FOXO3: variants seen among roughly 807,000 people sequenced by gnomAD.
The protein encoded by FOXO3 is forkhead box protein O3.
FOXO3 carries 4 observed loss-of-function variants against 41.9 expected under a neutral mutation model. The observed-to-expected ratio is 0.10, with a 90% CI of 0.05 to 0.22. FOXO3 has a LOEUF of 0.22. FOXO3 is among the 10% of genes least tolerant of loss of function. The pLI is 1.00. For synonymous variants in FOXO3, 318 were observed against 389.3 expected (o/e 0.82, Z 2.16); for missense variants, 534 against 906.8 (o/e 0.59, Z 5.28).
intron 1 of FOXO3, among the ~76,000 whole-genome samples, chr6:108,626,846 A>T (rs979343481): frequency 6.6e-6 from 1 of 152,184 alleles, no homozygotes; most frequent in East Asian, 1.9e-4. Flanking sequence ...TTAACATTGG[A>T]AGTGGTATGT....
At chr6:108,588,655 A>G (rs1007213326) in intron 1 of FOXO3, among the ~76,000 whole-genome samples, 2 of 152,210 alleles carry the variant, frequency 1.3e-5, no homozygotes, top group Non-Finnish European at 2.9e-5. Context: ...AAGACACACT[A>G]AACTGTTTTT....
At chr6:108,572,147 G>C (rs1384416248) in intron 1 of FOXO3, among the ~76,000 whole-genome samples, 1 of 152,142 alleles carries the variant, frequency 6.6e-6, no homozygotes, top group Non-Finnish European at 1.5e-5. Context: ...TGTTGATTGT[G>C]GACTTGAGGT....
intron 1 of FOXO3, among the ~76,000 whole-genome samples, chr6:108,590,301 TG>T (rs1379940839): frequency 6.6e-6 from 1 of 152,018 alleles, no homozygotes; most frequent in East Asian, 1.9e-4. Flanking sequence ...CACCTTTTTT[TG>T]AGAAATAATA....
At chr6:108,596,155 C>T (rs903627277) in intron 1 of FOXO3, among the ~76,000 whole-genome samples, 1 of 152,014 alleles carries the variant, frequency 6.6e-6, no homozygotes, top group African/African-American at 2.4e-5. Context: ...CCTTTCTCTT[C>T]CCCATCCTAT....
chr6:108,652,056 C>T (rs1273457330), intron 1 of FOXO3, among the ~76,000 whole-genome samples: 1 of 152,152 alleles, frequency 6.6e-6, no homozygotes, highest in Non-Finnish European at 1.5e-5. Flanking sequence ...CTTGAGGATC[C>T]GTAACGTGGT....
chr6:108,653,456 A>C (rs1778601982), intron 1 of FOXO3, among the ~76,000 whole-genome samples: 1 of 152,196 alleles, frequency 6.6e-6, no homozygotes. Flanking sequence ...TTACACCTCA[A>C]GGCCAGGTGG....
At position 108,678,869 on chromosome 6, in the gene FOXO3, C is replaced by CT. The variant is rs1156923290; in HGVS notation, c.*35-936dup. 6.5e-3 allele frequency among the ~76,000 whole-genome samples: 360 copies of CT among 55,012 alleles called. 15 individuals carry two copies. Among genetic ancestry groups the CT allele is most frequent in the African/African-American group, 0.011 (243 of 21,874 alleles). The allele number at this position is 55,012 out of a possible 152,430, so 36.1% of individuals were successfully genotyped here. ...ATAGCAAGACCCCATTTCTTAAATTCTTTTTTTTTTTTTTTTTTTTTTGAG... is the reference window on the plus strand; with the variant it reads ...ATAGCAAGACCCCATTTCTTAAATTCTTTTTTTTTTTTTTTTTTTTTTTGAG... On this transcript the variant is annotated intron_variant, in intron 2 of 2. Transcript: ENST00000406360.
In FOXO3 at chr6:108,679,921, G is replaced by A. The variant is rs1182260186; in HGVS notation, c.*129G>A. On this transcript the variant is annotated 3_prime_UTR_variant, in exon 3 of 3. Transcript: ENST00000406360. ...ATACCGTTTACAGCTTAACACCTTTGTGAATCCCACGCCATTTTCCTAACC... is the reference window on the plus strand; with the variant it reads ...ATACCGTTTACAGCTTAACACCTTTATGAATCCCACGCCATTTTCCTAACC... The A allele has an allele frequency of 6.5e-6, 1 of 153,906 alleles. No homozygotes were observed. Among genetic ancestry groups the A allele is most frequent in the Non-Finnish European group, 1.5e-5 (1 of 68,220 alleles). The allele number at this position is 153,906 out of a possible 1,614,324, so 9.5% of individuals were successfully genotyped here.
At chr6:108,655,850 C>T (rs1388253139) in intron 1 of FOXO3, among the ~76,000 whole-genome samples, 1 of 152,172 alleles carries the variant, frequency 6.6e-6, no homozygotes, top group African/African-American at 2.4e-5. Flanking sequence ...TGTGGTTCAG[C>T]AGACGCGTAT....
At chr6:108,669,030 G>A (rs891058813) in intron 2 of FOXO3, among the ~76,000 whole-genome samples, 10 of 152,112 alleles carry the variant, frequency 6.6e-5, no homozygotes, top group African/African-American at 2.4e-4. Context: ...GGAGAATGGC[G>A]TGAACCCAGG....
chr6:108,573,614 G>A (rs971356477), intron 1 of FOXO3, among the ~76,000 whole-genome samples: 4 of 152,062 alleles, frequency 2.6e-5, no homozygotes, highest in Admixed American at 6.6e-5. Context: ...CATCACCTGA[G>A]GTGAGGAGTT....
chr6:108,561,888 C>A (rs764407448), intron 1 of FOXO3, 59 bp downstream of exon 1: 1 of 1,482,100 alleles, frequency 6.7e-7, no homozygotes, highest in Non-Finnish European at 8.9e-7. Flanking sequence ...CAGCGCGAGA[C>A]GCGTCTCGGA....
chr6:108,635,758 G>T (rs1180503760), intron 1 of FOXO3, among the ~76,000 whole-genome samples: 1 of 152,122 alleles, frequency 6.6e-6, no homozygotes, highest in African/African-American at 2.4e-5. Flanking sequence ...GGTGGATGGT[G>T]GTAAGTAAGG....
At position 108,684,689 on chromosome 6, in the gene FOXO3, C is replaced by T. The variant is rs1217998417; in HGVS notation, c.*4897C>T. 2 of 152,568 alleles carry T rather than the reference C, an allele frequency of 1.3e-5. No homozygotes were observed. Among genetic ancestry groups the T allele is most frequent in the Non-Finnish European group, 2.9e-5 (2 of 68,032 alleles). 9.5% of individuals were successfully genotyped at this position (152,568 alleles called of 1,614,324 possible). Reference sequence around the variant, plus strand: ...TTTCCTTGGTGTTTGTAGATATTGCCTTGTGTATTCCACTTAAAACCGTAA... The same window carrying T: ...TTTCCTTGGTGTTTGTAGATATTGCTTTGTGTATTCCACTTAAAACCGTAA... On this transcript the variant is annotated 3_prime_UTR_variant, in exon 3 of 3. Transcript: ENST00000406360.
Position 108,683,482 on chromosome 6 carries a change from A to T in FOXO3, c.*3690A>T, listed in dbSNP as rs370845340. ...CAAGGACTTGCGAGGGGAAATAAAA[A>T]TGTTATCCAGCCTGACCAACATGGA... On this transcript the variant is annotated 3_prime_UTR_variant, in exon 3 of 3. Coordinates refer to ENST00000406360, the MANE Select transcript of FOXO3 (RefSeq NM_001455.4). 5 of 152,312 alleles carry T rather than the reference A, an allele frequency of 3.3e-5. No homozygotes were observed. Among genetic ancestry groups the T allele is most frequent in the African/African-American group, 1.2e-4 (5 of 41,576 alleles). 9.4% of individuals were successfully genotyped at this position (152,312 alleles called of 1,614,324 possible). A position where few individuals can be genotyped will look rare whatever the true frequency, so the allele number is the denominator to read the frequency against.
At chr6:108,569,650 C>G (rs1482686280) in intron 1 of FOXO3, among the ~76,000 whole-genome samples, 2 of 152,138 alleles carry the variant, frequency 1.3e-5, no homozygotes, top group African/African-American at 2.4e-5. Context: ...TCCGCTACTC[C>G]TGGGTCATTG....
intron 1 of FOXO3, among the ~76,000 whole-genome samples, chr6:108,648,317 T>G (rs1778449311): frequency 1.3e-5 from 2 of 152,042 alleles, no homozygotes; most frequent in Admixed American, 6.5e-5. Context: ...TAAAAAGAAA[T>G]AAACCTAAAC....
intron 1 of FOXO3, among the ~76,000 whole-genome samples, chr6:108,642,423 T>C (rs1778285993): frequency 6.6e-6 from 1 of 152,036 alleles, no homozygotes; most frequent in East Asian, 1.9e-4. Context: ...AAGAGAGTTT[T>C]TGGCAAGGGG....
In FOXO3 at chr6:108,655,599, TGA is replaced by T. The variant is rs549624556; in HGVS notation, c.622-7854_622-7853del. On this transcript the variant is annotated intron_variant, in intron 1 of 2. Coordinates refer to ENST00000406360, the MANE Select transcript of FOXO3 (RefSeq NM_001455.4). ...AATCAAAACCTCTGAGACTGGGATG[TGA>T]GTGTTTAAAGTCTCCCCAGGTGATT... 2.6e-3 allele frequency among the ~76,000 whole-genome samples: 395 copies of T among 152,292 alleles called. 2 individuals are homozygous for T. Among genetic ancestry groups the T allele is most frequent in the African/African-American group, 9.1e-3 (378 of 41,554 alleles).
Sources: gnomAD v4.1 joint callset for allele counts (sites outside exome capture counted in the v4.1 genomes callset) on GRCh38, gnomAD v4.1.1 for gene constraint, MANE v1.5 for transcripts, NCBI Gene and HGNC (gene_info 2026-07-23, HGNC 2026-07-21) for gene names.